The following PLPPR1 variants were observed in gnomAD, a reference collection of about 807,000 sequenced individuals.
PLPPR1 encodes phospholipid phosphatase-related protein type 1.
PLPPR1 carries 10 observed loss-of-function variants against 33.1 expected under a neutral mutation model. The observed-to-expected ratio is 0.30, with a 90% CI of 0.19 to 0.51. PLPPR1 has a LOEUF of 0.51. Ranked by LOEUF, PLPPR1 falls within the 20% of genes least tolerant of loss-of-function variation. The pLI is 0.97. For synonymous variants in PLPPR1, 151 were observed against 151.0 expected, an observed-to-expected ratio of 1.00 and a Z score of 0.00; for missense variants, 304 against 408.1, an observed-to-expected ratio of 0.74 and a Z score of 2.20.
At chr9:101,270,181 G>A in intron 3 of PLPPR1, 113 bp downstream of exon 3, 3 of 1,129,446 alleles carry the variant, frequency 2.7e-6, no homozygotes, top group East Asian at 2.5e-5. Context: ...TTTTATCAGT[G>A]GCATCCTATT....
intron 1 of PLPPR1, 190 bp from the exon 2 acceptor site, chr9:101,185,260 G>A (rs1826185501): frequency 2.3e-6 from 1 of 432,184 alleles, no homozygotes; most frequent in Non-Finnish European, 4.1e-6. Flanking sequence ...TTCATGGCAA[G>A]TATATATTAT....
intron 1 of PLPPR1, among the ~76,000 whole-genome samples, chr9:101,184,384 G>C (rs1826169712): frequency 6.6e-6 from 1 of 151,824 alleles, no homozygotes. Context: ...AGAAACTTAG[G>C]AAGGATAGAA....
chr9:101,032,854 CTT>C (rs1180914433), intron 1 of PLPPR1, among the ~76,000 whole-genome samples: 1 of 152,110 alleles, frequency 6.6e-6, no homozygotes, highest in Non-Finnish European at 1.5e-5. Context: ...CATCATGACT[CTT>C]TTTTATGTTT....
chr9:101,075,729 G>A (rs1038150589), intron 1 of PLPPR1, among the ~76,000 whole-genome samples: 6 of 152,180 alleles, frequency 3.9e-5, no homozygotes. Context: ...GTGTAGAGAA[G>A]GCAGATAATA....
intron 2 of PLPPR1, among the ~76,000 whole-genome samples, chr9:101,240,955 T>A (rs1341767): frequency 0.047 from 7,122 of 152,174 alleles, 252 homozygotes; most frequent in South Asian, 0.17. Flanking sequence ...ATTGCCATAC[T>A]TTACTTGAAC....
intron 2 of PLPPR1, among the ~76,000 whole-genome samples, chr9:101,238,187 C>A (rs1382967380): frequency 7.4e-6 from 1 of 134,248 alleles, no homozygotes; most frequent in Non-Finnish European, 1.6e-5. Flanking sequence ...TATATATGCC[C>A]TATATATATA....
chr9:101,281,449 C>T (rs1345686770), intron 3 of PLPPR1, among the ~76,000 whole-genome samples: 1 of 151,934 alleles, frequency 6.6e-6, no homozygotes, highest in Non-Finnish European at 1.5e-5. Context: ...CCCAGAATAG[C>T]CAAAGCTATC....
chr9:101,244,852 T>G (rs1253350525), intron 2 of PLPPR1, among the ~76,000 whole-genome samples: 1 of 151,938 alleles, frequency 6.6e-6, no homozygotes, highest in Non-Finnish European at 1.5e-5. Flanking sequence ...CAGAATTTAT[T>G]AATAACTACA....
intron 1 of PLPPR1, among the ~76,000 whole-genome samples, chr9:101,032,411 G>T (rs774819656): frequency 3.9e-5 from 6 of 152,134 alleles, no homozygotes; most frequent in Non-Finnish European, 7.3e-5. Context: ...GTGGACAAGA[G>T]GAGATGTATC....
At chr9:101,195,505 T>C (rs1174427599) in intron 2 of PLPPR1, among the ~76,000 whole-genome samples, 2 of 152,118 alleles carry the variant, frequency 1.3e-5, no homozygotes, top group Non-Finnish European at 2.9e-5. Flanking sequence ...TAGCATTCCC[T>C]GTCACTAAAG....
At chr9:101,060,916 G>A (rs1031300811) in intron 1 of PLPPR1, among the ~76,000 whole-genome samples, 1 of 151,828 alleles carries the variant, frequency 6.6e-6, no homozygotes, top group African/African-American at 2.4e-5. Flanking sequence ...AACAAAAAAA[G>A]TGGTAATTCT....
At chr9:101,214,552 A>C (rs1428939038) in intron 2 of PLPPR1, among the ~76,000 whole-genome samples, 2 of 152,230 alleles carry the variant, frequency 1.3e-5, no homozygotes, top group Non-Finnish European at 2.9e-5. Flanking sequence ...TGTTATTTTT[A>C]ACTTAAATGA....
intron 2 of PLPPR1, among the ~76,000 whole-genome samples, chr9:101,254,541 G>T (rs1392283328): frequency 6.6e-6 from 1 of 152,100 alleles, no homozygotes; most frequent in Non-Finnish European, 1.5e-5. Context: ...GTGAATCCCT[G>T]ATCTAGATTA....
intron 1 of PLPPR1, among the ~76,000 whole-genome samples, chr9:101,090,985 TC>T (rs1265045138): frequency 6.6e-6 from 1 of 151,216 alleles, no homozygotes; most frequent in Admixed American, 6.6e-5. Context: ...CTTTTCTTCT[TC>T]CCCCCTCCAC....
At chr9:101,100,275 G>C (rs1302473034) in intron 1 of PLPPR1, among the ~76,000 whole-genome samples, 2 of 152,050 alleles carry the variant, frequency 1.3e-5, no homozygotes, top group East Asian at 3.9e-4. Flanking sequence ...TCTCACCTTT[G>C]GGGTGGCAGT....
intron 2 of PLPPR1, among the ~76,000 whole-genome samples, chr9:101,189,148 G>A: frequency 6.6e-6 from 1 of 152,024 alleles, no homozygotes; most frequent in Non-Finnish European, 1.5e-5. Context: ...GTGAAGCTTG[G>A]TTTCATACAT....
intron 1 of PLPPR1, among the ~76,000 whole-genome samples, chr9:101,168,058 C>G (rs1182238420): frequency 1.3e-5 from 2 of 152,078 alleles, no homozygotes; most frequent in African/African-American, 4.8e-5. Flanking sequence ...TGGGAAAGAC[C>G]TGCCCCTATG....
chr9:101,083,049 C>A (rs1334154368), intron 1 of PLPPR1, among the ~76,000 whole-genome samples: 1 of 152,128 alleles, frequency 6.6e-6, no homozygotes, highest in Non-Finnish European at 1.5e-5. Context: ...GAGGCCCGGC[C>A]TTTTCTTTAG....
rs566597145 is a variant in PLPPR1, at chr9:101,291,092, C to A, written c.385+4856C>A. On this transcript the variant is annotated intron_variant, in intron 4 of 7. Transcript: ENST00000374874. ...GGGTCACTCCCACCCTAATACTGCG[C>A]TTTTCCGACAACAGGCTTAAAAAAC... Among the ~76,000 whole-genome samples, 5 of 152,376 alleles carry A rather than the reference C, an allele frequency of 3.3e-5. No homozygotes were observed. The South Asian group carries it at 1.0e-3, about 32-fold the overall frequency.
Sources: allele counts gnomAD v4.1 joint callset (sites outside exome capture counted in the v4.1 genomes callset), GRCh38; gene constraint gnomAD v4.1.1; transcripts MANE v1.5; gene names NCBI Gene and HGNC (gene_info 2026-07-23, HGNC 2026-07-21).